Variants in THAP6 observed in about 807,000 individuals in gnomAD.
THAP6 encodes THAP domain containing 6.
A neutral mutation model predicts 20.0 loss-of-function variants in THAP6; 13 were observed. That is an observed-to-expected ratio of 0.65 (90% CI 0.42 to 1.03). The LOEUF (loss-of-function observed/expected upper bound fraction) is 1.03, where lower values mean the gene tolerates loss of function less well. THAP6 is among the 50% of genes least tolerant of loss of function. The pLI, the probability that THAP6 is intolerant of heterozygous loss-of-function variation, is 0.00. For missense variants in THAP6, 262 were observed against 261.6 expected (o/e 1.00, Z -0.01); for synonymous variants, 93 against 92.2 (o/e 1.01, Z -0.05).
rs570170908 is a variant in THAP6, at chr4:75,541,589, G to C, written c.166-820G>C. On this transcript the variant is annotated intron_variant, in intron 2 of 4. Transcript: ENST00000502620. ...GCACATGAAAGAAAGAGAGATGAAGGGAGGGAGGAAAGGAGAATAAAAAAA... is the reference window on the plus strand; with the variant it reads ...GCACATGAAAGAAAGAGAGATGAAGCGAGGGAGGAAAGGAGAATAAAAAAA... 4.6e-5 allele frequency among the ~76,000 whole-genome samples: 7 copies of C among 151,660 alleles called. No homozygotes were observed. In the East Asian group the frequency reaches 1.4e-3, roughly 29 times the overall value.
intron 3 of THAP6, among the ~76,000 whole-genome samples, chr4:75,547,199 T>C (rs897843327): frequency 5.9e-5 from 9 of 152,192 alleles, no homozygotes; most frequent in Admixed American, 5.9e-4. Context: ...ATTTGCTGAG[T>C]GTCACTGTGC....
chr4:75,525,289 G>C (rs1301370664), intron 4 of THAP6, among the ~76,000 whole-genome samples: 5 of 151,916 alleles, frequency 3.3e-5, no homozygotes, highest in Admixed American at 3.3e-4. Flanking sequence ...GTCTGAAATT[G>C]TGCAACATGT....
intron 3 of THAP6, chr4:75,542,585 G>A (rs1248727233): frequency 1.6e-6 from 1 of 606,304 alleles, no homozygotes; most frequent in African/African-American, 1.9e-5. Context: ...TCATTTTACA[G>A]AAGAGGAAAT....
At chr4:75,523,472 G>A (rs975309839) in intron 4 of THAP6, among the ~76,000 whole-genome samples, 1 of 151,988 alleles carries the variant, frequency 6.6e-6, no homozygotes. Context: ...CCATTTGTCC[G>A]TTTTGCTTTG....
chr4:75,543,181 A>G (rs564845207), intron 3 of THAP6: 5 of 152,358 alleles, frequency 3.3e-5, no homozygotes, highest in Admixed American at 6.5e-5. Flanking sequence ...TTTTTACTCT[A>G]TGTCTACATC....
intron 3 of THAP6, chr4:75,517,439 T>A (rs1725733167): frequency 6.4e-6 from 1 of 155,770 alleles, no homozygotes; most frequent in Non-Finnish European, 1.4e-5. Flanking sequence ...TCTTCAACTT[T>A]TGTAATGTGT....
downstream of THAP6, among the ~76,000 whole-genome samples, chr4:75,531,499 C>T (rs1348514716): frequency 1.3e-5 from 2 of 152,200 alleles, no homozygotes; most frequent in Admixed American, 6.5e-5. Context: ...GTGAGTCCTT[C>T]TAGTGAATCA....
At chr4:75,531,832 T>G (rs1250470327), downstream of THAP6, among the ~76,000 whole-genome samples, 1 of 151,662 alleles carries the variant, frequency 6.6e-6, no homozygotes, top group African/African-American at 2.4e-5. Flanking sequence ...CCATTCACTA[T>G]TACCAGAATG....
chr4:75,519,898 C>T (rs1392863365), intron 3 of THAP6, among the ~76,000 whole-genome samples: 2 of 151,918 alleles, frequency 1.3e-5, no homozygotes, highest in Non-Finnish European at 2.9e-5. Context: ...CCTGAGGAGT[C>T]GCCACACTGA....
Position 75,514,486 on chromosome 4 carries a change from G to A in THAP6, c.-55G>A. 1 of 547,314 alleles carries A rather than the reference G, an allele frequency of 1.8e-6. No homozygotes were observed. Among genetic ancestry groups the A allele is most frequent in the Non-Finnish European group, 3.2e-6 (1 of 309,574 alleles). The allele number at this position is 547,314 out of a possible 1,614,324, so 33.9% of individuals were successfully genotyped here. ...GGAAGCGAAGGCAGACGCAGTCTCCGTCGTTGACGTTAGTCGCAGTCTTCG... is the reference window on the plus strand; with the variant it reads ...GGAAGCGAAGGCAGACGCAGTCTCCATCGTTGACGTTAGTCGCAGTCTTCG... On this transcript the variant is annotated 5_prime_UTR_variant, in exon 1 of 5. Coordinates refer to ENST00000311638, the MANE Select transcript of THAP6 (RefSeq NM_144721.6).
upstream of THAP6, chr4:75,514,190 G>T: frequency 6.2e-7 from 1 of 1,607,362 alleles, no homozygotes; most frequent in Non-Finnish European, 8.5e-7. Context: ...TCCATAGAAG[G>T]CGTCACCTTT....
chr4:75,537,182 TA>T (rs1726881916), intron 2 of THAP6, among the ~76,000 whole-genome samples: 1 of 152,126 alleles, frequency 6.6e-6, no homozygotes, highest in African/African-American at 2.4e-5. Context: ...CTCAGAAGTC[TA>T]GGGGGGGCAC....
At chr4:75,544,791 T>A (rs1298381363) in intron 3 of THAP6, 1 of 152,124 alleles carries the variant, frequency 6.6e-6, no homozygotes, top group Non-Finnish European at 1.5e-5. Flanking sequence ...AATCTGTAGG[T>A]TCCCACTCCA....
chr4:75,518,003 C>T (rs181970555), intron 3 of THAP6, among the ~76,000 whole-genome samples: 89 of 152,312 alleles, frequency 5.8e-4, no homozygotes, highest in Admixed American at 1.4e-3. Context: ...GTACCCGCTC[C>T]CATGCAGTCC....
intron 3 of THAP6, among the ~76,000 whole-genome samples, chr4:75,546,495 T>A (rs1447279502): frequency 1.3e-5 from 2 of 152,222 alleles, no homozygotes; most frequent in African/African-American, 4.8e-5. Flanking sequence ...TCTTTTCCTA[T>A]GTATTTATTC....
At chr4:75,520,201 G>T (rs962157345) in intron 3 of THAP6, among the ~76,000 whole-genome samples, 29 of 152,120 alleles carry the variant, frequency 1.9e-4, no homozygotes, top group African/African-American at 5.3e-4. Flanking sequence ...GTAAATTTGT[G>T]TGAGTTCATT....
rs184434327 is a variant in THAP6, at chr4:75,538,353, G to A, written c.166-4056G>A. 2.4e-3 allele frequency among the ~76,000 whole-genome samples: 357 copies of A among 151,372 alleles called. 1 individual carries two copies. The highest frequency in any genetic ancestry group is 8.1e-3 in the African/African-American group (333 of 41,206). On this transcript the variant is annotated intron_variant, in intron 2 of 4. Transcript: ENST00000502620. Reference sequence around the variant, plus strand: ...AACAGATAAAGGTGAGCTGAACTAGGAAGCCCTGTGTTTCACAGCCTCAGT... The same window carrying A: ...AACAGATAAAGGTGAGCTGAACTAGAAAGCCCTGTGTTTCACAGCCTCAGT...
At position 75,529,340 on chromosome 4, in the gene THAP6, C is replaced by T. The variant is rs1435515529; in HGVS notation, c.*2126C>T. 1.7e-5 allele frequency: 17 copies of T among 985,304 alleles called. No individual in the cohort carries two copies. Among genetic ancestry groups the T allele is most frequent in the Non-Finnish European group, 1.2e-5 (10 of 829,938 alleles). The allele number at this position is 985,304 out of a possible 1,614,324, so 61.0% of individuals were successfully genotyped here. ...GAAGACCTTTCCAAGAGTAAAATCC[C>T]AGTCTGCCACTATCAAAATTGCCAC... On this transcript the variant is annotated 3_prime_UTR_variant, in exon 5 of 5. Coordinates refer to ENST00000311638, the MANE Select transcript of THAP6 (RefSeq NM_144721.6).
Position 75,528,116 on chromosome 4 carries a change from CTG to C in THAP6, c.*905_*906del, listed in dbSNP as rs543473451. ...AAAAGAAACCATTAGAAATTAATAACTGTGGCTCTTCCAGTTGAAATAGGAAT... is the reference window on the plus strand; with the variant it reads ...AAAAGAAACCATTAGAAATTAATAACTGGCTCTTCCAGTTGAAATAGGAAT... On this transcript the variant is annotated 3_prime_UTR_variant, in exon 5 of 5. Coordinates refer to ENST00000311638, the MANE Select transcript of THAP6 (RefSeq NM_144721.6). 6.5e-5 allele frequency: 64 copies of C among 984,934 alleles called. No individual in the cohort carries two copies. The South Asian group carries it at 2.2e-3, about 33-fold the overall frequency. The allele number at this position is 984,934 out of a possible 1,614,324, so 61.0% of individuals were successfully genotyped here.
Sources: gnomAD v4.1 joint callset for allele counts (sites outside exome capture counted in the v4.1 genomes callset) on GRCh38, gnomAD v4.1.1 for gene constraint, MANE v1.5 for transcripts, NCBI Gene and HGNC (gene_info 2026-07-23, HGNC 2026-07-21) for gene names.